PRKAG2: variants seen among roughly 807,000 people sequenced by gnomAD.
The protein encoded by PRKAG2 is protein kinase AMP-activated non-catalytic subunit gamma 2, also known as 5'-AMP-activated protein kinase subunit gamma-2.
A neutral mutation model predicts 69.6 loss-of-function variants in PRKAG2; 26 were observed. That is an observed-to-expected ratio of 0.37 (90% CI 0.27 to 0.52). The LOEUF is 0.52. Among genes scored for constraint, PRKAG2 ranks in the 20% least tolerant of loss-of-function variants. The pLI is 0.90. For missense variants in PRKAG2, 557 were observed against 740.0 expected (o/e 0.75, Z 2.87); for synonymous variants, 293 against 285.0 (o/e 1.03, Z -0.28).
At chr7:151,785,484 G>A (rs2076957580) in intron 2 of PRKAG2, among the ~76,000 whole-genome samples, 1 of 152,252 alleles carries the variant, frequency 6.6e-6, no homozygotes, top group South Asian at 2.1e-4. Flanking sequence ...GTTCAGGGCA[G>A]GGTGGGGAGG....
At chr7:151,560,729 C>T in intron 14 of PRKAG2, 112 bp from the exon 15 acceptor site, 1 of 1,378,512 alleles carries the variant, frequency 7.3e-7, no homozygotes. Context: ...TCCCTCCAGC[C>T]TGGGGAATAG....
At chr7:151,865,907 C>T (rs1244671530) in intron 1 of PRKAG2, among the ~76,000 whole-genome samples, 3 of 151,736 alleles carry the variant, frequency 2.0e-5, no homozygotes, top group Admixed American at 6.6e-5. Flanking sequence ...GTAGACCCAG[C>T]TACTCGGGAG....
At chr7:151,773,052 AGGGAGGGAGGGAGGGAGGGAGG>A (rs1373791502) in intron 3 of PRKAG2, among the ~76,000 whole-genome samples, 1 of 25,744 alleles carries the variant, frequency 3.9e-5, no homozygotes, top group African/African-American at 1.6e-4. Flanking sequence ...AGAGAGAGAG[AGGGAGGGAGGGAGGGAGGGAGG>A]GAGGGAGGGA....
chr7:151,869,377 C>T (rs906867498), intron 1 of PRKAG2, among the ~76,000 whole-genome samples: 11 of 152,152 alleles, frequency 7.2e-5, no homozygotes, highest in African/African-American at 2.2e-4. Context: ...AATAGGGCAG[C>T]GGGGGCTAGA....
chr7:151,849,748 C>T (rs555597696), intron 1 of PRKAG2, among the ~76,000 whole-genome samples: 19 of 152,146 alleles, frequency 1.2e-4, no homozygotes, highest in South Asian at 2.1e-4. Flanking sequence ...CTGCTCCCCA[C>T]GGGCCTGTGT....
chr7:151,752,263 G>C (rs2074744297), intron 3 of PRKAG2, among the ~76,000 whole-genome samples: 1 of 152,208 alleles, frequency 6.6e-6, no homozygotes, highest in Non-Finnish European at 1.5e-5. Flanking sequence ...AACATGGATG[G>C]AGCTGGAGGC....
intron 4 of PRKAG2, among the ~76,000 whole-genome samples, chr7:151,663,085 C>T (rs547576664): frequency 2.0e-5 from 3 of 151,904 alleles, no homozygotes; most frequent in African/African-American, 7.2e-5. Context: ...AAAAACAAAA[C>T]AAAACAAAAA....
chr7:151,737,921 G>A (rs3857767), intron 3 of PRKAG2, among the ~76,000 whole-genome samples: 57,002 of 108,856 alleles, frequency 0.52, 12,134 homozygotes, highest in East Asian at 0.74. Context: ...AGCCAGAGAT[G>A]CCCAGATCTG....
At chr7:151,751,726 C>T (rs889651429) in intron 3 of PRKAG2, among the ~76,000 whole-genome samples, 14 of 151,912 alleles carry the variant, frequency 9.2e-5, no homozygotes, top group Admixed American at 4.6e-4. Context: ...GGTCTCGCTA[C>T]GGTCTTGAAC....
intron 1 of PRKAG2, among the ~76,000 whole-genome samples, chr7:151,831,845 TG>T (rs1317395709): frequency 6.6e-6 from 1 of 152,122 alleles, no homozygotes. Flanking sequence ...TGGGGCATCC[TG>T]GCAGGATCAG....
intron 3 of PRKAG2, among the ~76,000 whole-genome samples, chr7:151,737,233 C>T (rs1052032313): frequency 9.2e-5 from 14 of 151,780 alleles, no homozygotes; most frequent in East Asian, 7.8e-4. Context: ...GGGCCAGGCA[C>T]GGTGGCTCAC....
intron 1 of PRKAG2, among the ~76,000 whole-genome samples, chr7:151,791,031 C>T (rs2077252799): frequency 6.6e-6 from 1 of 152,158 alleles, no homozygotes; most frequent in Non-Finnish European, 1.5e-5. Flanking sequence ...TCAAGTCAAG[C>T]CCAACATCGT....
In PRKAG2 at chr7:151,756,854, C is replaced by T. The variant is rs556533870; in HGVS notation, c.466+24298G>A. ...ACGTCCGTGTATTAAACTCCATCTG[C>T]TTTTAGTACGGAGAGTAACCCTCTT... On this transcript the variant is annotated intron_variant, in intron 3 of 15. Transcript: ENST00000287878. The surrounding 1 kb of genome is among the most constrained non-coding windows in gnomAD (Gnocchi z 4.9). Among the ~76,000 whole-genome samples, 19 of 152,316 alleles carry T rather than the reference C, an allele frequency of 1.2e-4. No homozygotes were observed. Among genetic ancestry groups the T allele is most frequent in the Non-Finnish European group, 2.5e-4 (17 of 68,032 alleles).
At chr7:151,673,974 T>G (rs370017866) in intron 4 of PRKAG2, among the ~76,000 whole-genome samples, 1 of 151,886 alleles carries the variant, frequency 6.6e-6, no homozygotes, top group East Asian at 1.9e-4. Flanking sequence ...CCTGACTAGT[T>G]GGGATTACAG....
At chr7:151,857,722 C>T (rs1454631766) in intron 1 of PRKAG2, among the ~76,000 whole-genome samples, 1 of 152,242 alleles carries the variant, frequency 6.6e-6, no homozygotes, top group Non-Finnish European at 1.5e-5. Context: ...GACCTGCTGG[C>T]TTGGGAGCGC....
At chr7:151,662,744 A>G (rs987861451) in intron 4 of PRKAG2, among the ~76,000 whole-genome samples, 1 of 151,842 alleles carries the variant, frequency 6.6e-6, no homozygotes, top group African/African-American at 2.4e-5. Flanking sequence ...CTTCAACAAC[A>G]GAAAAAAAAT....
intron 4 of PRKAG2, among the ~76,000 whole-genome samples, chr7:151,671,376 T>C (rs747836489): frequency 3.3e-5 from 5 of 152,172 alleles, no homozygotes; most frequent in Non-Finnish European, 5.9e-5. Context: ...CAAAAGTCTT[T>C]AAGTAACTCA....
chr7:151,736,289 T>C, intron 3 of PRKAG2: 1 of 1,242,428 alleles, frequency 8.0e-7, no homozygotes, highest in Non-Finnish European at 1.0e-6. Flanking sequence ...CCGGCTGTCC[T>C]TAAGTAGCAA....
intron 4 of PRKAG2, among the ~76,000 whole-genome samples, chr7:151,645,269 G>A (rs1222185986): frequency 1.3e-5 from 2 of 152,160 alleles, no homozygotes; most frequent in Non-Finnish European, 2.9e-5. Context: ...GCTGGCTTTG[G>A]TGAAGCAAGC....
Sources: gnomAD v4.1 joint callset for allele counts (sites outside exome capture counted in the v4.1 genomes callset) on GRCh38, gnomAD v4.1.1 for gene constraint, Gnocchi (gnomAD v3.1) non-coding constraint, MANE v1.5 for transcripts, NCBI Gene and HGNC (gene_info 2026-07-23, HGNC 2026-07-21) for gene names.